Variants in ZFPM2 observed in about 807,000 individuals in gnomAD.
ZFPM2 encodes the protein zinc finger protein ZFPM2.
In ZFPM2, 20 loss-of-function variants were observed where a neutral mutation model predicts 98.6. That is an observed-to-expected ratio of 0.20 (90% CI 0.14 to 0.29). ZFPM2 has a LOEUF of 0.29. Ranked by LOEUF, ZFPM2 falls within the 10% of genes least tolerant of loss-of-function variation. The pLI, the probability that ZFPM2 is intolerant of heterozygous loss-of-function variation, is 1.00. For synonymous variants in ZFPM2, 518 were observed against 502.7 expected (o/e 1.03, Z -0.41); for missense variants, 1,310 against 1,388.6 (o/e 0.94, Z 0.90).
intron 1 of ZFPM2, among the ~76,000 whole-genome samples, chr8:105,373,084 T>G (rs150039712): frequency 9.2e-5 from 14 of 152,230 alleles, no homozygotes; most frequent in African/African-American, 3.4e-4. Flanking sequence ...AAACAAGAAG[T>G]CCATTACTAT....
At chr8:105,778,963 G>A (rs1410474403) in intron 5 of ZFPM2, among the ~76,000 whole-genome samples, 2 of 149,124 alleles carry the variant, frequency 1.3e-5, no homozygotes, top group Admixed American at 6.7e-5. Flanking sequence ...CTGAATTTTG[G>A]AAGATGTTTT....
chr8:105,624,206 G>C (rs1255111711), intron 4 of ZFPM2, among the ~76,000 whole-genome samples: 1 of 152,148 alleles, frequency 6.6e-6, no homozygotes, highest in African/African-American at 2.4e-5. Flanking sequence ...ACAGCCTTAC[G>C]TAAGAAGGGG....
chr8:105,512,521 A>G (rs1364870231), intron 3 of ZFPM2, among the ~76,000 whole-genome samples: 1 of 152,192 alleles, frequency 6.6e-6, no homozygotes, highest in Non-Finnish European at 1.5e-5. Context: ...TTTTATCACT[A>G]GGTATTCAGT....
chr8:105,759,133 T>G (rs1303751720), intron 5 of ZFPM2, among the ~76,000 whole-genome samples: 2 of 152,132 alleles, frequency 1.3e-5, no homozygotes, highest in Non-Finnish European at 2.9e-5. Flanking sequence ...TCACCTGGAC[T>G]TGCCTAATCG....
chr8:105,449,217 C>T (rs1431742586), intron 3 of ZFPM2, among the ~76,000 whole-genome samples: 1 of 151,920 alleles, frequency 6.6e-6, no homozygotes, highest in Admixed American at 6.6e-5. Context: ...CTTGGTCTTA[C>T]CATCAGGCTT....
chr8:105,667,416 C>T (rs1296575744), intron 5 of ZFPM2, among the ~76,000 whole-genome samples: 2 of 152,100 alleles, frequency 1.3e-5, no homozygotes, highest in Middle Eastern at 3.4e-3. Flanking sequence ...CAAAATTGTG[C>T]GTAGGTAAAA....
At chr8:105,483,669 T>C (rs1813169310) in intron 3 of ZFPM2, among the ~76,000 whole-genome samples, 2 of 152,164 alleles carry the variant, frequency 1.3e-5, no homozygotes, top group South Asian at 4.1e-4. Flanking sequence ...TCTGGCTTCT[T>C]TTCTTGCTGC....
chr8:105,662,050 G>A (rs1309309909), intron 5 of ZFPM2, among the ~76,000 whole-genome samples: 1 of 152,148 alleles, frequency 6.6e-6, no homozygotes, highest in African/African-American at 2.4e-5. Flanking sequence ...AGGAATGGGG[G>A]CGATAAGGCG....
intron 4 of ZFPM2, among the ~76,000 whole-genome samples, chr8:105,579,655 A>T (rs1335434524): frequency 6.6e-6 from 1 of 152,158 alleles, no homozygotes. Context: ...ACAAAGATGA[A>T]AAATACTGAT....
At chr8:105,413,504 A>ATT (rs1340739247) in intron 1 of ZFPM2, among the ~76,000 whole-genome samples, 9 of 137,178 alleles carry the variant, frequency 6.6e-5, no homozygotes, top group Non-Finnish European at 9.2e-5. Flanking sequence ...ATATATATAT[A>ATT]TATACACACA....
intron 5 of ZFPM2, among the ~76,000 whole-genome samples, chr8:105,739,514 G>C (rs1351808122): frequency 6.6e-6 from 1 of 151,848 alleles, no homozygotes; most frequent in African/African-American, 2.4e-5. Context: ...TTATAGGGAG[G>C]AATACACAAG....
intron 2 of ZFPM2, among the ~76,000 whole-genome samples, chr8:105,443,092 C>A (rs533918955): frequency 6.6e-6 from 1 of 151,768 alleles, no homozygotes; most frequent in Admixed American, 6.6e-5. Flanking sequence ...GTGGATCACT[C>A]GAGGTCAAGA....
chr8:105,746,514 T>G (rs1354689519), intron 5 of ZFPM2, among the ~76,000 whole-genome samples: 4 of 152,078 alleles, frequency 2.6e-5, no homozygotes, highest in Non-Finnish European at 4.4e-5. Context: ...AGCATGCAGT[T>G]ACTAGTTACA....
In ZFPM2 at chr8:105,373,200, G is replaced by T. The variant is rs1269422419; in HGVS notation, c.41-45944G>T. On this transcript the variant is annotated intron_variant, in intron 1 of 7. Coordinates refer to ENST00000407775, the MANE Select transcript of ZFPM2 (RefSeq NM_012082.4). ...TTATCAGCATTAGATGAAAGCAGAG[G>T]ATCTAGAAAGAGTCAAAACAACCCA... Among the ~76,000 whole-genome samples, 8 of 152,218 alleles carry T rather than the reference G, an allele frequency of 5.3e-5. No individual in the cohort carries two copies. In the East Asian group the frequency reaches 1.5e-3, roughly 29 times the overall value.
intron 5 of ZFPM2, among the ~76,000 whole-genome samples, chr8:105,764,028 A>G (rs1443302990): frequency 6.6e-6 from 1 of 151,802 alleles, no homozygotes; most frequent in Non-Finnish European, 1.5e-5. Flanking sequence ...ATGGGAGCAT[A>G]CTACAACTTG....
rs1186023653 is a variant in ZFPM2 at position 105,802,001 on chromosome 8, A to G, written c.1919A>G (p.Lys640Arg). The change falls in exon 8 of 8, where the codon AAG becomes AGG. Residue 640 changes from lysine (K) to arginine (R), a missense_variant. By Grantham distance (26) the Lys-to-Arg change is conservative (BLOSUM62 2). Coordinates refer to ENST00000407775, the MANE Select transcript of ZFPM2 (RefSeq NM_012082.4). ...TVLDLIGPNG[K>R]GHDKDFSTQT... is the part of the protein sequence containing the mutation. Reference sequence around the variant, plus strand: ...TTAGATTTAATTGGGCCAAATGGGAAGGGCCATGACAAGGACTTTTCCACT... The same window carrying G: ...TTAGATTTAATTGGGCCAAATGGGAGGGGCCATGACAAGGACTTTTCCACT... 6.2e-7 allele frequency: 1 copy of G among 1,613,714 alleles called. No homozygotes were observed. Among genetic ancestry groups the G allele is most frequent in the African/African-American group, 1.3e-5 (1 of 74,912 alleles).
At chr8:105,509,819 C>T (rs1458377955) in intron 3 of ZFPM2, among the ~76,000 whole-genome samples, 11 of 152,118 alleles carry the variant, frequency 7.2e-5, no homozygotes, top group Non-Finnish European at 1.5e-4. Flanking sequence ...AATATCATTG[C>T]TACTGCTAAA....
chr8:105,661,671 T>C, intron 5 of ZFPM2, among the ~76,000 whole-genome samples: 1 of 152,008 alleles, frequency 6.6e-6, no homozygotes, highest in East Asian at 1.9e-4. Context: ...TTAATCCCTG[T>C]GGGGCTCTGT....
At chr8:105,515,827 A>G (rs1189271380) in intron 3 of ZFPM2, among the ~76,000 whole-genome samples, 2 of 151,822 alleles carry the variant, frequency 1.3e-5, no homozygotes, top group South Asian at 2.1e-4. Context: ...TAAAGAAAAT[A>G]TGAACATTAA....
Sources: allele counts gnomAD v4.1 joint callset (sites outside exome capture counted in the v4.1 genomes callset), GRCh38; gene constraint gnomAD v4.1.1; transcripts MANE v1.5; gene names NCBI Gene and HGNC (gene_info 2026-07-23, HGNC 2026-07-21).